Variants in MYO5B observed in about 807,000 individuals in gnomAD.
MYO5B encodes unconventional myosin-Vb.
In MYO5B, 143 loss-of-function variants were observed where a neutral mutation model predicts 229.3. The observed-to-expected ratio is 0.62, with a 90% CI of 0.54 to 0.72. MYO5B has a LOEUF of 0.72. MYO5B is among the 30% of genes least tolerant of loss of function. The pLI, the probability that MYO5B is intolerant of heterozygous loss-of-function variation, is 0.00. For missense variants in MYO5B, 2,321 were observed against 2,331.0 expected (o/e 1.00, Z 0.09); for synonymous variants, 918 against 885.2 (o/e 1.04, Z -0.66).
rs1388627980 is a variant in MYO5B at position 50,066,411 on chromosome 18, A to G, written c.28-11033T>C. Among the ~76,000 whole-genome samples the G allele has an allele frequency of 4.6e-5, 7 of 152,190 alleles. No homozygotes were observed. In the East Asian group the frequency reaches 1.3e-3, roughly 29 times the overall value. On this transcript the variant is annotated intron_variant, in intron 1 of 39. Coordinates refer to ENST00000285039, the MANE Select transcript of MYO5B (RefSeq NM_001080467.3). ...CCACCACACTTCTGTAGAAATACTT[A>G]TACAGTTTTGAAACCTCCTTATTCA...
intron 12 of MYO5B, among the ~76,000 whole-genome samples, chr18:49,957,001 G>A (rs1025973025): frequency 6.6e-5 from 10 of 152,008 alleles, no homozygotes; most frequent in South Asian, 2.1e-4. Context: ...GGTAATGGAT[G>A]CACAACCTTG....
chr18:50,165,876 T>G (rs897447723), intron 1 of MYO5B, among the ~76,000 whole-genome samples: 6 of 152,130 alleles, frequency 3.9e-5, no homozygotes, highest in Admixed American at 3.9e-4. Context: ...CAGGGCTAGA[T>G]TTTCCTTCCC....
chr18:49,966,091 G>C (rs2144266990), intron 10 of MYO5B, among the ~76,000 whole-genome samples: 1 of 152,266 alleles, frequency 6.6e-6, no homozygotes, highest in Non-Finnish European at 1.5e-5. Context: ...GTGGTGGAGA[G>C]ATAGCACCTG....
intron 4 of MYO5B, among the ~76,000 whole-genome samples, chr18:50,008,849 T>C (rs990693796): frequency 6.6e-6 from 1 of 152,200 alleles, no homozygotes; most frequent in African/African-American, 2.4e-5. Context: ...GTCTACTGCT[T>C]CTTGTCTGTG....
At chr18:50,058,486 T>C (rs2030606923) in intron 1 of MYO5B, among the ~76,000 whole-genome samples, 1 of 149,890 alleles carries the variant, frequency 6.7e-6, no homozygotes, top group African/African-American at 2.5e-5. Flanking sequence ...CAAAAAGTAA[T>C]GACAGAGACC....
intron 1 of MYO5B, among the ~76,000 whole-genome samples, chr18:50,103,957 A>G (rs534134026): frequency 6.6e-6 from 1 of 151,418 alleles, no homozygotes; most frequent in African/African-American, 2.4e-5. Flanking sequence ...TCTTAGTTAA[A>G]AGTATCAGTT....
At position 49,864,156 on chromosome 18, in the gene MYO5B, G is replaced by A. The variant is rs201760142; in HGVS notation, c.3828C>T (p.Leu1276=). The A allele has an allele frequency of 2.4e-3, 3,826 of 1,609,862 alleles. 10 individuals carry two copies. Among genetic ancestry groups the A allele is most frequent in the Non-Finnish European group, 2.9e-3 (3,474 of 1,179,918 alleles). ...ATCTTGTTACCGCGTTCCTGCCGGC[G>A]AGTCGCCGCTGGTCGGCGCTCACGA... The part of the protein sequence containing the change: ...TQIVSADQRR[L]AGRNAEPNIN... Residue 1276 remains leucine, a synonymous_variant, in exon 28 of 40, where the codon CTC becomes CTT. Coordinates refer to ENST00000285039, the MANE Select transcript of MYO5B (RefSeq NM_001080467.3).
chr18:50,046,400 C>T (rs1251277176), intron 2 of MYO5B, among the ~76,000 whole-genome samples: 1 of 152,208 alleles, frequency 6.6e-6, no homozygotes, highest in Non-Finnish European at 1.5e-5. Flanking sequence ...TTCTGTAAGG[C>T]CTTGAGCCCA....
At chr18:49,887,065 C>T (rs946506259) in intron 22 of MYO5B, among the ~76,000 whole-genome samples, 12 of 152,100 alleles carry the variant, frequency 7.9e-5, no homozygotes, top group Non-Finnish European at 1.0e-4. Flanking sequence ...TGCTGTAGCA[C>T]CATCCCCTTG....
At chr18:49,885,497 G>A (rs575238366) in intron 22 of MYO5B, among the ~76,000 whole-genome samples, 1 of 152,254 alleles carries the variant, frequency 6.6e-6, no homozygotes, top group East Asian at 1.9e-4. Flanking sequence ...CCAGAGAGGT[G>A]GCCCTAGGGA....
At chr18:50,125,681 A>G (rs1327373312) in intron 1 of MYO5B, among the ~76,000 whole-genome samples, 1 of 152,244 alleles carries the variant, frequency 6.6e-6, no homozygotes, top group Non-Finnish European at 1.5e-5. Context: ...TGAGAGAATC[A>G]ACAGCAGGAA....
chr18:50,056,862 G>A (rs2030563889), intron 1 of MYO5B, among the ~76,000 whole-genome samples: 1 of 151,814 alleles, frequency 6.6e-6, no homozygotes, highest in Non-Finnish European at 1.5e-5. Context: ...CAGTCAATGA[G>A]AAAGCAAACA....
At chr18:49,932,452 G>T (rs2025204038) in intron 16 of MYO5B, among the ~76,000 whole-genome samples, 1 of 152,112 alleles carries the variant, frequency 6.6e-6, no homozygotes, top group Admixed American at 6.5e-5. Context: ...CCCTCCCTTT[G>T]CCACACCTGT....
At chr18:50,161,566 T>C (rs551351986) in intron 1 of MYO5B, among the ~76,000 whole-genome samples, 1 of 152,112 alleles carries the variant, frequency 6.6e-6, no homozygotes, top group African/African-American at 2.4e-5. Context: ...CTTACCACAT[T>C]CTCTCTTCCC....
At chr18:49,948,137 A>C (rs2025394932) in intron 14 of MYO5B, among the ~76,000 whole-genome samples, 1 of 152,376 alleles carries the variant, frequency 6.6e-6, no homozygotes, top group East Asian at 1.9e-4. Context: ...ATTTGTGTTT[A>C]TAAGAATATA....
intron 2 of MYO5B, among the ~76,000 whole-genome samples, chr18:50,044,101 T>C (rs956909868): frequency 1.6e-4 from 25 of 152,254 alleles, no homozygotes; most frequent in African/African-American, 6.0e-4. Flanking sequence ...AAACTGCAGC[T>C]GCAAATAAAC....
intron 1 of MYO5B, among the ~76,000 whole-genome samples, chr18:50,137,775 C>T (rs2032357002): frequency 6.6e-6 from 1 of 152,172 alleles, no homozygotes; most frequent in Non-Finnish European, 1.5e-5. Flanking sequence ...ACGTGGTACA[C>T]ATACACCATG....
intron 18 of MYO5B, among the ~76,000 whole-genome samples, chr18:49,911,811 G>A (rs1045751905): frequency 3.3e-5 from 5 of 152,162 alleles, no homozygotes; most frequent in South Asian, 2.1e-4. Flanking sequence ...TGGTGCCCTC[G>A]AGAGGAGCGC....
chr18:50,145,835 A>G (rs1568123933), intron 1 of MYO5B, among the ~76,000 whole-genome samples: 1 of 152,222 alleles, frequency 6.6e-6, no homozygotes, highest in Non-Finnish European at 1.5e-5. Flanking sequence ...GTTTTCCATT[A>G]ATGAGGTGTT....
Sources: allele counts gnomAD v4.1 joint callset (sites outside exome capture counted in the v4.1 genomes callset), GRCh38; gene constraint gnomAD v4.1.1; transcripts MANE v1.5; gene names NCBI Gene and HGNC (gene_info 2026-07-23, HGNC 2026-07-21).